PIGK: variants seen among roughly 807,000 people sequenced by gnomAD.
PIGK encodes GPI-anchor transamidase.
In PIGK, 42 loss-of-function variants were observed where a neutral mutation model predicts 50.6. The ratio of observed to expected loss-of-function variants is 0.83; its 90% CI spans 0.65 to 1.07. The LOEUF (loss-of-function observed/expected upper bound fraction) is 1.07, where lower values mean the gene tolerates loss of function less well. Among genes scored for constraint, PIGK ranks in the 50% least tolerant of loss-of-function variants. The pLI, the probability that PIGK is intolerant of heterozygous loss-of-function variation, is 0.00. For missense variants in PIGK, 448 were observed against 488.7 expected (o/e 0.92, Z 0.78); for synonymous variants, 151 against 156.0 (o/e 0.97, Z 0.24).
intron 8 of PIGK, among the ~76,000 whole-genome samples, chr1:77,158,589 C>T (rs1162946000): frequency 6.6e-6 from 1 of 152,130 alleles, no homozygotes; most frequent in East Asian, 1.9e-4. Context: ...CTGAGGTGGA[C>T]TCAGATGGAG....
rs1352852417 is a variant in PIGK at position 77,169,367 on chromosome 1, T to C, written c.268A>G (p.Met90Val). 6.2e-7 allele frequency: 1 copy of C among 1,605,210 alleles called. No individual in the cohort carries two copies. The highest frequency in any genetic ancestry group is 8.5e-7 in the Non-Finnish European group (1 of 1,175,886). Residue 90 changes from methionine (M) to valine (V), a missense_variant, in exon 4 of 11, where the codon ATG becomes GTG. Coordinates refer to ENST00000370812, the MANE Select transcript of PIGK (RefSeq NM_005482.3). ...TTGGGATTTCTAGGATTACAGGCCA[T>C]ATCATCTGCAAGCATTAGGACAATG... Reference protein sequence around the residue: ...SHIVLMLADDMACNPRNPKPA... With the variant: ...SHIVLMLADDVACNPRNPKPA...
At chr1:77,140,380 C>T (rs1654623307) in intron 9 of PIGK, among the ~76,000 whole-genome samples, 1 of 151,868 alleles carries the variant, frequency 6.6e-6, no homozygotes, top group Admixed American at 6.6e-5. Context: ...GTTCTCATTC[C>T]TATTCTCACC....
Position 77,216,645 on chromosome 1 carries a change from G to C in PIGK, c.93+2665C>G, listed in dbSNP as rs558387168. ...GGCATGTGTGTGTGGGGGGGTGTGTGTGTGTGTATTTTTCCCCCTCCAAAC... is the reference window on the plus strand; with the variant it reads ...GGCATGTGTGTGTGGGGGGGTGTGTCTGTGTGTATTTTTCCCCCTCCAAAC... On this transcript the variant is annotated intron_variant, in intron 1 of 10. Transcript: ENST00000370812. Among the ~76,000 whole-genome samples, 4 of 152,060 alleles carry C rather than the reference G, an allele frequency of 2.6e-5. No homozygotes were observed. In the South Asian group the frequency reaches 8.3e-4, roughly 32 times the overall value.
In PIGK at chr1:77,147,079, T is replaced by C. The variant is rs149148424; in HGVS notation, c.986+7370A>G. Reference sequence around the variant, plus strand: ...AAAAATAGGTTTAATGGACTCACAGTTCCTCATAGCTGGGGAGGCCTCAAA... The same window carrying C: ...AAAAATAGGTTTAATGGACTCACAGCTCCTCATAGCTGGGGAGGCCTCAAA... On this transcript the variant is annotated intron_variant, in intron 9 of 10. Coordinates refer to ENST00000370812, the MANE Select transcript of PIGK (RefSeq NM_005482.3). Among the ~76,000 whole-genome samples the C allele has an allele frequency of 3.8e-3, 569 of 151,656 alleles. 5 individuals carry two copies. The highest frequency in any genetic ancestry group is 0.013 in the African/African-American group (539 of 41,346).
At chr1:77,121,683 C>T (rs912300986) in intron 10 of PIGK, among the ~76,000 whole-genome samples, 1 of 152,164 alleles carries the variant, frequency 6.6e-6, no homozygotes, top group Non-Finnish European at 1.5e-5. Flanking sequence ...GATTCTGGCA[C>T]AGCAGGGCAG....
In PIGK at chr1:77,219,410, G is replaced by A. The variant is rs770072083; in HGVS notation, c.-8C>T. ...GCTGTCGGTGACGGCCATGTTTACC[G>A]GCTTCAGACTTCCCGCACCTGAAGG... On this transcript the variant is annotated 5_prime_UTR_variant, in exon 1 of 11. Transcript: ENST00000370812. The A allele has an allele frequency of 6.2e-7, 1 of 1,611,856 alleles. No individual in the cohort carries two copies. Among genetic ancestry groups the A allele is most frequent in the South Asian group, 1.1e-5 (1 of 90,804 alleles).
At chr1:77,197,390 A>G (rs1343601101) in intron 3 of PIGK, among the ~76,000 whole-genome samples, 2 of 152,218 alleles carry the variant, frequency 1.3e-5, no homozygotes, top group East Asian at 3.9e-4. Flanking sequence ...CCTCAGGCAC[A>G]GCGAAGAATT....
At chr1:77,178,521 G>A (rs1655536306) in intron 3 of PIGK, among the ~76,000 whole-genome samples, 1 of 152,220 alleles carries the variant, frequency 6.6e-6, no homozygotes, top group Non-Finnish European at 1.5e-5. Context: ...TTGTGGTCTA[G>A]GAGAAATACA....
Position 77,102,502 on chromosome 1 carries a change from C to T in PIGK, c.1072-10012G>A, listed in dbSNP as rs1016779333. 6.7e-4 allele frequency among the ~76,000 whole-genome samples: 102 copies of T among 152,100 alleles called. 1 individual carries two copies. The highest frequency in any genetic ancestry group is 2.4e-3 in the African/African-American group (99 of 41,396). On this transcript the variant is annotated intron_variant, in intron 10 of 10. Transcript: ENST00000370812. ...CAACTTAAGAAGGGACTCCGGCTGA[C>T]TTTGAAGGTGGAGGAAAGGGGTCAT...
At chr1:77,194,195 G>C (rs372757362) in intron 3 of PIGK, among the ~76,000 whole-genome samples, 1 of 152,194 alleles carries the variant, frequency 6.6e-6, no homozygotes, top group Non-Finnish European at 1.5e-5. Context: ...TGCTGGCAAA[G>C]TTGTGGAGAA....
At chr1:77,200,730 A>G (rs1262755511) in intron 3 of PIGK, among the ~76,000 whole-genome samples, 1 of 152,196 alleles carries the variant, frequency 6.6e-6, no homozygotes, top group African/African-American at 2.4e-5. Flanking sequence ...TGCTCTGGCC[A>G]TAAAGTCAGA....
intron 3 of PIGK, among the ~76,000 whole-genome samples, chr1:77,181,977 C>G (rs1050999892): frequency 6.6e-6 from 1 of 152,172 alleles, no homozygotes; most frequent in African/African-American, 2.4e-5. Flanking sequence ...TTCTGAATTA[C>G]TTTCAATTTG....
chr1:77,130,629 T>C (rs1654352646), intron 9 of PIGK, among the ~76,000 whole-genome samples: 1 of 152,192 alleles, frequency 6.6e-6, no homozygotes, highest in South Asian at 2.1e-4. Flanking sequence ...AAAATGCTGG[T>C]GTCAGACAGA....
chr1:77,133,504 T>A (rs953303621), intron 9 of PIGK, among the ~76,000 whole-genome samples: 3 of 152,176 alleles, frequency 2.0e-5, no homozygotes, highest in African/African-American at 7.2e-5. Context: ...TGTGTTTTGT[T>A]TTTCTCTTGG....
intron 9 of PIGK, among the ~76,000 whole-genome samples, chr1:77,125,069 T>C (rs565146617): frequency 3.3e-5 from 5 of 152,330 alleles, no homozygotes; most frequent in Admixed American, 3.3e-4. Flanking sequence ...ACAAAGTCAC[T>C]CTTCATTGGC....
At chr1:77,137,553 A>G (rs926834747) in intron 9 of PIGK, among the ~76,000 whole-genome samples, 1 of 151,588 alleles carries the variant, frequency 6.6e-6, no homozygotes, top group African/African-American at 2.4e-5. Flanking sequence ...GTAATCCTTC[A>G]TTTCTTTCTT....
At chr1:77,112,972 T>C (rs770948595) in intron 10 of PIGK, among the ~76,000 whole-genome samples, 12 of 152,092 alleles carry the variant, frequency 7.9e-5, no homozygotes, top group Non-Finnish European at 1.5e-4. Context: ...ATATATCAGA[T>C]GCTATGTGAT....
intron 10 of PIGK, among the ~76,000 whole-genome samples, chr1:77,111,474 G>A (rs560408460): frequency 3.3e-5 from 5 of 152,090 alleles, no homozygotes; most frequent in East Asian, 1.9e-4. Flanking sequence ...GGATGAAGAC[G>A]GAAACCATCA....
At chr1:77,169,497 C>T (rs1655312571) in intron 3 of PIGK, 102 bp from the exon 4 acceptor site, 1 of 875,662 alleles carries the variant, frequency 1.1e-6, no homozygotes, top group African/African-American at 1.8e-5. Context: ...TTTTCTCCTC[C>T]TTAAAAAAAA....
Sources: gnomAD v4.1 joint callset for allele counts (sites outside exome capture counted in the v4.1 genomes callset) on GRCh38, gnomAD v4.1.1 for gene constraint, MANE v1.5 for transcripts, NCBI Gene and HGNC (gene_info 2026-07-23, HGNC 2026-07-21) for gene names.